Variants in CYP4F22 observed in about 807,000 individuals in gnomAD.
CYP4F22 encodes the protein ultra-long-chain fatty acid omega-hydroxylase.
CYP4F22 carries 37 observed loss-of-function variants against 60.4 expected under a neutral mutation model. The observed-to-expected ratio is 0.61, with a 90% CI of 0.47 to 0.81. The LOEUF (loss-of-function observed/expected upper bound fraction) is 0.81, where lower values mean the gene tolerates loss of function less well. Among genes scored for constraint, CYP4F22 ranks in the 30% least tolerant of loss-of-function variants. CYP4F22 has a pLI of 0.00. For missense variants in CYP4F22, 655 were observed against 715.0 expected (o/e 0.92, Z 0.96); for synonymous variants, 258 against 280.5 (o/e 0.92, Z 0.80).
intron 1 of CYP4F22, among the ~76,000 whole-genome samples, chr19:15,522,696 A>C (rs1456510063): frequency 6.6e-6 from 1 of 151,924 alleles, no homozygotes. Flanking sequence ...AAGAAATTTC[A>C]CTTCTTTATT....
At chr19:15,516,758 A>G in intron 1 of CYP4F22, 1 of 617,568 alleles carries the variant, frequency 1.6e-6, no homozygotes, top group South Asian at 2.3e-5. Flanking sequence ...GAATCCCTGG[A>G]CTCTGGAAAG....
At chr19:15,547,018 G>GTTTTGTTTTTTTTTTTT (rs1555730099) in intron 10 of CYP4F22, among the ~76,000 whole-genome samples, 16 of 82,314 alleles carry the variant, frequency 1.9e-4, no homozygotes, top group African/African-American at 8.0e-4. Flanking sequence ...GCCTGCACCA[G>GTTTTGTTTTTTTTTTTT]TTTTTTTTTT....
At position 15,537,578 on chromosome 19, in the gene CYP4F22, C is replaced by T. The variant is rs1003060629; in HGVS notation, c.465C>T (p.His155=). 3.1e-6 allele frequency: 5 copies of T among 1,614,058 alleles called. No individual in the cohort carries two copies. The African/African-American group carries it at 5.3e-5, about 17-fold the overall frequency. Residue 155 remains histidine (H), a synonymous_variant, in exon 6 of 14, where the codon CAC becomes CAT. Coordinates refer to ENST00000269703, the MANE Select transcript of CYP4F22 (RefSeq NM_173483.4). ...GCAAAGGTGACAAGTGGAGCCGGCA[C>T]CGTCGCCTGCTGACACCCGCCTTCC... ...LLSKGDKWSR[H]RRLLTPAFHF... is the part of the protein sequence containing the mutation.
chr19:15,537,907 C>T lies in CYP4F22; in HGVS notation c.585C>T (p.Val195=). 6.2e-7 allele frequency: 1 copy of T among 1,614,186 alleles called. No individual in the cohort carries two copies. The highest frequency in any genetic ancestry group is 8.5e-7 in the Non-Finnish European group (1 of 1,180,040). The change falls in exon 7 of 14, where the codon GTC becomes GTT. Residue 195 remains valine, a synonymous_variant. Transcript: ENST00000269703. The stretch of plus-strand genomic sequence containing the variant: ...GGCATCTGGCAGAGGGCTCAGCGGT[C>T]TCCCTTGATATGTTTGAGCATATCA... ...KWRHLAEGSA[V]SLDMFEHISL...
intron 1 of CYP4F22, among the ~76,000 whole-genome samples, chr19:15,511,369 G>T (rs1308369323): frequency 6.6e-6 from 1 of 152,040 alleles, no homozygotes; most frequent in African/African-American, 2.4e-5. Context: ...TGAGGTGGGA[G>T]GATCACTCAA....
chr19:15,520,557 A>G (rs1971212116), intron 1 of CYP4F22, among the ~76,000 whole-genome samples: 1 of 151,814 alleles, frequency 6.6e-6, no homozygotes, highest in Admixed American at 6.6e-5. Context: ...CATACGGACC[A>G]CACACAGAGC....
intron 10 of CYP4F22, among the ~76,000 whole-genome samples, chr19:15,545,510 G>A (rs1049039504): frequency 4.0e-5 from 6 of 151,666 alleles, no homozygotes; most frequent in Admixed American, 3.3e-4. Context: ...TTAGCTGGGT[G>A]GGGTGGCGCA....
rs200581968 is a variant in CYP4F22, at chr19:15,550,689, C to T, written c.1351C>T (p.Arg451Cys). The T allele has an allele frequency of 1.2e-6, 2 of 1,614,186 alleles. No homozygotes were observed. Among genetic ancestry groups the T allele is most frequent in the Non-Finnish European group, 8.5e-7 (1 of 1,180,042 alleles). Residue 451 changes from arginine (R) to cysteine (C), a missense_variant, in exon 13 of 14, where the codon CGC (arginine) becomes TGC (cysteine). This residue lies in a region of CYP4F22 where 151 missense variants were observed against 139.4 expected (regional missense o/e 1.08). Coordinates refer to ENST00000269703, the MANE Select transcript of CYP4F22 (RefSeq NM_173483.4). ...WPDSKVYNPYRFDPDNPQQRS... is the reference protein window; with the variant it reads ...WPDSKVYNPYCFDPDNPQQRS... Reference sequence around the variant, plus strand: ...TCCTCCCTAGGTGTACAACCCCTACCGCTTTGACCCGGACAACCCACAGCA... The same window carrying T: ...TCCTCCCTAGGTGTACAACCCCTACTGCTTTGACCCGGACAACCCACAGCA...
chr19:15,547,018 GT>G (rs71176432), intron 10 of CYP4F22, among the ~76,000 whole-genome samples: 13,108 of 82,110 alleles, frequency 0.16, 1,157 homozygotes, highest in South Asian at 0.21. Flanking sequence ...GCCTGCACCA[GT>G]TTTTTTTTTT....
At chr19:15,510,966 A>ATATTTTTT (rs34055543) in intron 1 of CYP4F22, among the ~76,000 whole-genome samples, 1 of 103,336 alleles carries the variant, frequency 9.7e-6, no homozygotes, top group African/African-American at 4.6e-5. Flanking sequence ...ATATATATAT[A>ATATTTTTT]TTTTTTTTTT....
intron 1 of CYP4F22, among the ~76,000 whole-genome samples, chr19:15,517,515 G>A (rs922461811): frequency 3.3e-5 from 5 of 152,206 alleles, no homozygotes; most frequent in East Asian, 3.8e-4. Context: ...CATGTACCCA[G>A]CCACCTGGAG....
chr19:15,536,673 A>C (rs1399961961), intron 4 of CYP4F22, among the ~76,000 whole-genome samples: 3 of 152,196 alleles, frequency 2.0e-5, no homozygotes, highest in Admixed American at 2.0e-4. Context: ...TCCATTCTGG[A>C]TAGACAGCTC....
intron 4 of CYP4F22, among the ~76,000 whole-genome samples, chr19:15,534,039 G>A (rs991955642): frequency 6.6e-6 from 1 of 152,304 alleles, no homozygotes; most frequent in Middle Eastern, 3.4e-3. Context: ...GTTTTCCACA[G>A]AGGGTGTGCA....
At position 15,548,048 on chromosome 19, in the gene CYP4F22, T is replaced by C. The variant is rs1971552266; in HGVS notation, c.1137-60T>C. On this transcript the variant is annotated intron_variant, in intron 10 of 13. Transcript: ENST00000269703. Reference sequence around the variant, plus strand: ...GTGTGTGTGTGTGTGTGTGTGTGTGTGTTTTGGGGAGGTGGTGCCATGGTG... The same window carrying C: ...GTGTGTGTGTGTGTGTGTGTGTGTGCGTTTTGGGGAGGTGGTGCCATGGTG... The C allele has an allele frequency of 2.7e-6, 4 of 1,476,530 alleles. 1 individual carries two copies. The highest frequency in any genetic ancestry group is 1.7e-5 in the Admixed American group (1 of 57,892). The allele number at this position is 1,476,530 out of a possible 1,614,324, so 91.5% of individuals were successfully genotyped here.
At chr19:15,527,726 G>T (rs78681773) in intron 3 of CYP4F22, among the ~76,000 whole-genome samples, 2,295 of 152,342 alleles carry the variant, frequency 0.015, 53 homozygotes, top group African/African-American at 0.052. Context: ...GGAGTCATTT[G>T]TTGGTTGAAT....
intron 4 of CYP4F22, among the ~76,000 whole-genome samples, chr19:15,530,125 T>C (rs1050362765): frequency 6.6e-6 from 1 of 152,192 alleles, no homozygotes; most frequent in African/African-American, 2.4e-5. Flanking sequence ...TTGTTCCTTA[T>C]GGTTTTGTTA....
chr19:15,535,669 C>T (rs1255518617), intron 4 of CYP4F22, among the ~76,000 whole-genome samples: 1 of 151,024 alleles, frequency 6.6e-6, no homozygotes, highest in South Asian at 2.1e-4. Flanking sequence ...TCCATTCATC[C>T]ATCCATCCAT....
chr19:15,529,110 A>C (rs1427500499), intron 3 of CYP4F22, among the ~76,000 whole-genome samples: 1 of 142,004 alleles, frequency 7.0e-6, no homozygotes, highest in African/African-American at 2.7e-5. Context: ...AGCCTGGCTA[A>C]TTTTATCTTC....
At chr19:15,523,574 T>A (rs1433135245) in intron 1 of CYP4F22, 119 bp from the exon 2 acceptor site, 4 of 152,124 alleles carry the variant, frequency 2.6e-5, no homozygotes, top group African/African-American at 9.7e-5. Flanking sequence ...TCAGATTCTC[T>A]GAGATGAGGC....
Sources: allele counts gnomAD v4.1 joint callset (sites outside exome capture counted in the v4.1 genomes callset), GRCh38; gene constraint gnomAD v4.1.1; regional missense constraint gnomAD v4.1.1; transcripts MANE v1.5; gene names NCBI Gene and HGNC (gene_info 2026-07-23, HGNC 2026-07-21).